ZNF69: variants seen among roughly 807,000 people sequenced by gnomAD.
ZNF69 encodes zinc finger protein 69.
In ZNF69, 47 loss-of-function variants were observed where a neutral mutation model predicts 50.9. The observed-to-expected ratio is 0.92, with a 90% confidence interval of 0.73 to 1.18. The LOEUF is 1.18. Ranked by LOEUF, ZNF69 falls within the 50% of genes most tolerant of loss-of-function variation. The pLI, the probability that ZNF69 is intolerant of heterozygous loss-of-function variation, is 0.00. For missense variants in ZNF69, 717 were observed against 675.1 expected, an observed-to-expected ratio of 1.06 and a Z score of -0.69; for synonymous variants, 216 against 223.1, an observed-to-expected ratio of 0.97 and a Z score of 0.29.
chr19:11,927,291 T>C, the ZNF69 span, among the ~76,000 whole-genome samples: 2 of 152,030 alleles, frequency 1.3e-5, no homozygotes, highest in South Asian at 4.2e-4. Context: ...GAGGCAGAGG[T>C]TGCAGCCCAG....
At chr19:11,922,830 AT>A in the ZNF69 span, among the ~76,000 whole-genome samples, 1,027 of 141,774 alleles carry the variant, frequency 7.2e-3, 7 homozygotes, top group African/African-American at 0.021. Flanking sequence ...TTTGTTTTTG[AT>A]TTTTTTTTTT....
the ZNF69 span, among the ~76,000 whole-genome samples, chr19:11,941,485 G>C: frequency 3.3e-5 from 5 of 152,178 alleles, no homozygotes; most frequent in African/African-American, 7.2e-5. Flanking sequence ...GCGCAGCACC[G>C]GTGGGCTGGC....
chr19:11,900,902 A>G (rs1443679609), intron 1 of ZNF69, among the ~76,000 whole-genome samples: 6 of 152,194 alleles, frequency 3.9e-5, no homozygotes, highest in African/African-American at 1.4e-4. Context: ...GCCAAATCCA[A>G]GGTCGTCTTG....
intron 1 of ZNF69, among the ~76,000 whole-genome samples, chr19:11,901,798 T>C (rs1972249464): frequency 6.6e-6 from 1 of 152,028 alleles, no homozygotes; most frequent in Non-Finnish European, 1.5e-5. Context: ...CCATGATTTG[T>C]TATCATTACT....
At chr19:11,921,199 A>G in the ZNF69 span, among the ~76,000 whole-genome samples, 1 of 152,078 alleles carries the variant, frequency 6.6e-6, no homozygotes, top group African/African-American at 2.4e-5. Flanking sequence ...TAAGAAACAT[A>G]GTATGGCTCT....
chr19:11,977,992 C>G, the ZNF69 span: 1 of 1,226,194 alleles, frequency 8.2e-7, no homozygotes, highest in Non-Finnish European at 1.1e-6. Context: ...CATTTACCTT[C>G]AAACAATTCA....
At chr19:11,939,193 G>A in the ZNF69 span, among the ~76,000 whole-genome samples, 1 of 152,224 alleles carries the variant, frequency 6.6e-6, no homozygotes, top group East Asian at 1.9e-4. Flanking sequence ...TCATTCTGAT[G>A]GTAGTTTCTT....
the ZNF69 span, chr19:11,924,991 C>A: frequency 2.0e-6 from 1 of 488,308 alleles, no homozygotes; most frequent in East Asian, 4.2e-5. Flanking sequence ...GGGCCTGATA[C>A]CCAGGGCTTC....
At chr19:11,933,742 A>T in the ZNF69 span, among the ~76,000 whole-genome samples, 2 of 147,554 alleles carry the variant, frequency 1.4e-5, no homozygotes, top group Non-Finnish European at 2.9e-5. Context: ...TATCTAAAAA[A>T]AATTTTGTTT....
chr19:11,911,737 TAC>T, intron 4 of ZNF69, among the ~76,000 whole-genome samples: 1 of 152,064 alleles, frequency 6.6e-6, no homozygotes, highest in Non-Finnish European at 1.5e-5. Context: ...AGTTAATGGG[TAC>T]AGCACACCAA....
chr19:11,979,867 C>A, the ZNF69 span: 2 of 1,467,820 alleles, frequency 1.4e-6, no homozygotes, highest in Non-Finnish European at 1.9e-6. Context: ...CACAAACACA[C>A]GTAAGAATGC....
chr19:11,919,756 G>A, the ZNF69 span, among the ~76,000 whole-genome samples: 3 of 152,266 alleles, frequency 2.0e-5, no homozygotes, highest in African/African-American at 7.2e-5. Context: ...ACAGCAAGAA[G>A]TCATCTAGCT....
chr19:11,946,740 T>A, the ZNF69 span: 1,094 of 154,432 alleles, frequency 7.1e-3, 7 homozygotes, highest in Admixed American at 0.012. Flanking sequence ...TAAATCCCTT[T>A]TTGAAATTTT....
At chr19:11,895,731 G>T (rs1211746155) in intron 1 of ZNF69, among the ~76,000 whole-genome samples, 2 of 152,096 alleles carry the variant, frequency 1.3e-5, no homozygotes, top group Non-Finnish European at 2.9e-5. Context: ...TGCATGCTAA[G>T]GTAACATATA....
chr19:11,924,987 G>T, the ZNF69 span: 1 of 482,608 alleles, frequency 2.1e-6, no homozygotes, highest in Non-Finnish European at 3.7e-6. Context: ...TGCGGGGCCT[G>T]ATACCCAGGG....
intron 1 of ZNF69, among the ~76,000 whole-genome samples, chr19:11,891,943 T>G (rs904105077): frequency 6.6e-6 from 1 of 152,140 alleles, no homozygotes; most frequent in African/African-American, 2.4e-5. Flanking sequence ...AGGATTGCAT[T>G]TTCCATAGAA....
chr19:11,955,127 C>T, the ZNF69 span, among the ~76,000 whole-genome samples: 2 of 150,650 alleles, frequency 1.3e-5, no homozygotes, highest in Non-Finnish European at 2.9e-5. Context: ...GCCTCAGCCT[C>T]CTGAGTAGCT....
At chr19:11,956,540 G>A in the ZNF69 span, 1 of 398,564 alleles carries the variant, frequency 2.5e-6, no homozygotes, top group Non-Finnish European at 4.4e-6. Context: ...TAAAGCCAGT[G>A]AGAAACCTAC....
At chr19:11,950,133 C>T in the ZNF69 span, 87 of 1,614,000 alleles carry the variant, frequency 5.4e-5, no homozygotes, top group Middle Eastern at 1.6e-4. Context: ...GAGAGAAACA[C>T]TATGAATGTA....
Sources: allele counts gnomAD v4.1 joint callset (sites outside exome capture counted in the v4.1 genomes callset), GRCh38; gene constraint gnomAD v4.1.1; transcripts MANE v1.5; gene names NCBI Gene and HGNC (gene_info 2026-07-23, HGNC 2026-07-21).